Variants in BTBD8 observed in about 807,000 individuals in gnomAD.
BTBD8 encodes the protein BTB domain containing 8, also known as BTB/POZ domain-containing protein 8.
In BTBD8, 110 loss-of-function variants were observed where a neutral mutation model predicts 162.9. The observed-to-expected ratio is 0.68, with a 90% CI of 0.58 to 0.79. The LOEUF (loss-of-function observed/expected upper bound fraction) is 0.79. BTBD8 is among the 30% of genes least tolerant of loss of function. BTBD8 has a pLI of 0.00. For missense variants in BTBD8, 1,905 were observed against 2,085.4 expected (o/e 0.91, Z 1.68); for synonymous variants, 667 against 716.1 (o/e 0.93, Z 1.10).
intron 6 of BTBD8, among the ~76,000 whole-genome samples, chr1:92,140,119 A>C (rs1649738072): frequency 6.6e-6 from 1 of 151,034 alleles, no homozygotes; most frequent in African/African-American, 2.4e-5. Flanking sequence ...AAAAAAAAAA[A>C]AAAAAAGAAT....
At position 92,140,237 on chromosome 1, in the gene BTBD8, G is replaced by A. The variant is rs150987222; in HGVS notation, c.833+807G>A. ...AGTAGATCGAGATCTGCCTGGGACT[G>A]TAGCGAGACCCGGTTCTTGGGGGAA... is the stretch of plus-strand genomic sequence containing the variant. On this transcript the variant is annotated intron_variant, in intron 6 of 17. Coordinates refer to ENST00000636805, the MANE Select transcript of BTBD8 (RefSeq NM_001376131.1). 5.1e-3 allele frequency among the ~76,000 whole-genome samples: 759 copies of A among 147,404 alleles called. 6 individuals are homozygous for A. The highest frequency in any genetic ancestry group is 0.018 in the African/African-American group (718 of 39,372).
At chr1:92,169,276 T>C (rs1427656061) in intron 12 of BTBD8, among the ~76,000 whole-genome samples, 3 of 152,202 alleles carry the variant, frequency 2.0e-5, no homozygotes, top group Non-Finnish European at 2.9e-5. Context: ...AGCATTCTTG[T>C]GAAGAGATTA....
In BTBD8 at chr1:92,161,911, ATC is replaced by A. The variant is rs565659694; in HGVS notation, c.1123-5043_1123-5042del. Among the ~76,000 whole-genome samples the A allele has an allele frequency of 1.1e-4, 17 of 152,288 alleles. No individual in the cohort carries two copies. The South Asian group carries it at 3.5e-3, about 32-fold the overall frequency. ...AACAGAAACACAAGTTTCACAAAAG[ATC>A]TCTTAGCCTTATTACATATGATGTA... On this transcript the variant is annotated intron_variant, in intron 9 of 17. Transcript: ENST00000636805.
At chr1:92,173,152 C>G (rs1650601905) in intron 13 of BTBD8, among the ~76,000 whole-genome samples, 1 of 152,086 alleles carries the variant, frequency 6.6e-6, no homozygotes, top group Non-Finnish European at 1.5e-5. Flanking sequence ...CTCGAACTCC[C>G]GACCTCAGGT....
chr1:92,094,294 G>C (rs918380896), intron 2 of BTBD8, among the ~76,000 whole-genome samples: 2 of 152,184 alleles, frequency 1.3e-5, no homozygotes, highest in African/African-American at 4.8e-5. Flanking sequence ...GTAGTGTCTT[G>C]CATATAGAAA....
chr1:92,132,350 A>C (rs1446353569), intron 5 of BTBD8, among the ~76,000 whole-genome samples: 1 of 151,152 alleles, frequency 6.6e-6, no homozygotes, highest in Non-Finnish European at 1.5e-5. Context: ...ATCACCCCTC[A>C]TGAGCTGATG....
At chr1:92,133,925 G>A (rs1178818265) in intron 5 of BTBD8, among the ~76,000 whole-genome samples, 4 of 151,400 alleles carry the variant, frequency 2.6e-5, no homozygotes, top group Middle Eastern at 3.2e-3. Context: ...AGCCGAGATC[G>A]TGCCACTGCA....
Position 92,180,643 on chromosome 1 carries a change from C to T in BTBD8, c.2960C>T (p.Pro987Leu), listed in dbSNP as rs1255328265. The change falls in exon 17 of 18, where the codon CCT (proline) becomes CTT (leucine). Residue 987 changes from proline (P) to leucine (L), a missense_variant. Pro to Leu is a moderately conservative substitution (Grantham distance 98). This residue lies in a region of BTBD8 where 1,374 missense variants were observed against 1,442.7 expected (regional missense o/e 0.95). Transcript: ENST00000636805. Reference sequence around the variant, plus strand: ...AAGGACAGTGTTTCTGAACAGAAGCCTCACAAACCTCTCATTAATCTTGCA... The same window carrying T: ...AAGGACAGTGTTTCTGAACAGAAGCTTCACAAACCTCTCATTAATCTTGCA... ...NNKDSVSEQK[P>L]HKPLINLASE... The T allele has an allele frequency of 7.7e-6, 12 of 1,551,056 alleles. No individual in the cohort carries two copies. The highest frequency in any genetic ancestry group is 1.0e-5 in the Non-Finnish European group (12 of 1,146,858).
chr1:92,157,991 A>C (rs537731668), intron 9 of BTBD8, among the ~76,000 whole-genome samples: 1 of 152,310 alleles, frequency 6.6e-6, no homozygotes, highest in South Asian at 2.1e-4. Flanking sequence ...ATCATTACAT[A>C]ATGTCTGTGT....
At chr1:92,083,134 T>C (rs1346985632) in intron 1 of BTBD8, among the ~76,000 whole-genome samples, 7 of 140,338 alleles carry the variant, frequency 5.0e-5, no homozygotes, top group Middle Eastern at 3.7e-3. Context: ...AGACTCTGTC[T>C]CAAAAAAAAA....
intron 13 of BTBD8, among the ~76,000 whole-genome samples, chr1:92,176,364 A>G (rs1312162142): frequency 6.6e-6 from 1 of 152,310 alleles, no homozygotes; most frequent in African/African-American, 2.4e-5. Context: ...TTAATCCTCA[A>G]TTTCTTGTCT....
intron 4 of BTBD8, among the ~76,000 whole-genome samples, chr1:92,127,747 G>A (rs1649397533): frequency 6.6e-6 from 1 of 152,064 alleles, no homozygotes; most frequent in Non-Finnish European, 1.5e-5. Flanking sequence ...TTTTAGTAGA[G>A]GTGGGCTTTT....
At chr1:92,084,570 C>T (rs146262425) in intron 1 of BTBD8, among the ~76,000 whole-genome samples, 3 of 152,288 alleles carry the variant, frequency 2.0e-5, no homozygotes, top group African/African-American at 7.2e-5. Flanking sequence ...TATAAACTTC[C>T]ATGCTGTTTG....
chr1:92,166,058 A>G (rs1557461842), intron 9 of BTBD8, among the ~76,000 whole-genome samples: 2 of 152,192 alleles, frequency 1.3e-5, no homozygotes. Flanking sequence ...TTTTCTGTGG[A>G]GTACATGGTA....
chr1:92,168,113 C>A, intron 11 of BTBD8, 128 bp downstream of exon 11: 1 of 677,892 alleles, frequency 1.5e-6, no homozygotes, highest in Non-Finnish European at 2.2e-6. Flanking sequence ...GGATTAAGGT[C>A]TCTACTTTTG....
At position 92,080,674 on chromosome 1, in the gene BTBD8, C is replaced by T. The variant is rs777969966; in HGVS notation, c.103C>T (p.Arg35Trp). The change falls in exon 1 of 18, where the codon CGG becomes TGG. Residue 35 changes from arginine to tryptophan, a missense_variant. Arg to Trp is a moderately radical substitution (Grantham distance 101). This residue lies in a region of BTBD8 where 1,374 missense variants were observed against 1,442.7 expected (regional missense o/e 0.95). Coordinates refer to ENST00000636805, the MANE Select transcript of BTBD8 (RefSeq NM_001376131.1). ...LQRKGPCERRRLKATVSEQLS... is the reference protein window; with the variant it reads ...LQRKGPCERRWLKATVSEQLS... ...AAGGAAGGGGCCGTGTGAGCGGCGC[C>T]GGCTGAAGGCGACGGTGTCGGAGCA... 3.7e-6 allele frequency: 6 copies of T among 1,612,844 alleles called. No individual in the cohort carries two copies. The Admixed American group carries it at 6.7e-5, about 18-fold the overall frequency.
In BTBD8 at chr1:92,111,405, A is replaced by T. The variant is rs13376474; in HGVS notation, c.662+3404A>T. On this transcript the variant is annotated intron_variant, in intron 4 of 17. Coordinates refer to ENST00000636805, the MANE Select transcript of BTBD8 (RefSeq NM_001376131.1). Reference sequence around the variant, plus strand: ...TTAGACATTCATTCATTTGGTTAAGATGTCAAATCTTCCTTTAATATCTCT... The same window carrying T: ...TTAGACATTCATTCATTTGGTTAAGTTGTCAAATCTTCCTTTAATATCTCT... Among the ~76,000 whole-genome samples, 1,297 of 152,284 alleles carry T rather than the reference A, an allele frequency of 8.5e-3. 21 individuals are homozygous for T. The highest frequency in any genetic ancestry group is 0.029 in the African/African-American group (1,206 of 41,556).
At chr1:92,137,805 A>C (rs1649669164) in intron 5 of BTBD8, among the ~76,000 whole-genome samples, 1 of 152,148 alleles carries the variant, frequency 6.6e-6, no homozygotes, top group Admixed American at 6.5e-5. Context: ...CTAAACACAA[A>C]ATTTATTTAT....
chr1:92,087,579 T>C (rs1648193753), intron 1 of BTBD8, among the ~76,000 whole-genome samples: 1 of 152,220 alleles, frequency 6.6e-6, no homozygotes, highest in African/African-American at 2.4e-5. Flanking sequence ...ATACTGAAGA[T>C]ACAGTTTTTG....
Sources: allele counts gnomAD v4.1 joint callset (sites outside exome capture counted in the v4.1 genomes callset), GRCh38; gene constraint gnomAD v4.1.1; regional missense constraint gnomAD v4.1.1; transcripts MANE v1.5; gene names NCBI Gene and HGNC (gene_info 2026-07-23, HGNC 2026-07-21).